UNC5C: variants seen among roughly 807,000 people sequenced by gnomAD.
UNC5C encodes unc-5 netrin receptor C, also known as netrin receptor UNC5C.
UNC5C carries 47 observed loss-of-function variants against 99.8 expected under a neutral mutation model. That is an observed-to-expected ratio of 0.47 (90% CI 0.37 to 0.60). The LOEUF (loss-of-function observed/expected upper bound fraction) is 0.60, where lower values mean the gene tolerates loss of function less well. Among genes scored for constraint, UNC5C ranks in the 20% least tolerant of loss-of-function variants. The pLI is 0.00. For missense variants in UNC5C, 1,062 were observed against 1,165.9 expected (o/e 0.91, Z 1.30); for synonymous variants, 487 against 452.2 (o/e 1.08, Z -0.98).
intron 1 of UNC5C, among the ~76,000 whole-genome samples, chr4:95,521,815 T>A (rs1311476871): frequency 6.6e-6 from 1 of 152,180 alleles, no homozygotes; most frequent in Non-Finnish European, 1.5e-5. Flanking sequence ...TTTTTATATA[T>A]CACAGAATGC....
At chr4:95,355,702 C>T (rs1235485502) in intron 1 of UNC5C, among the ~76,000 whole-genome samples, 7 of 152,066 alleles carry the variant, frequency 4.6e-5, no homozygotes, top group African/African-American at 1.7e-4. Flanking sequence ...GAAGTACAGA[C>T]TCCTAGAGTG....
intron 2 of UNC5C, among the ~76,000 whole-genome samples, chr4:95,308,700 C>A (rs937410717): frequency 8.8e-6 from 1 of 113,152 alleles, no homozygotes; most frequent in South Asian, 3.1e-4. Flanking sequence ...TTCAGTGATT[C>A]GAGATTGTGC....
At chr4:95,439,666 A>G (rs959537005) in intron 1 of UNC5C, among the ~76,000 whole-genome samples, 6 of 152,156 alleles carry the variant, frequency 3.9e-5, no homozygotes, top group Non-Finnish European at 8.8e-5. Flanking sequence ...TAGAAGCAGG[A>G]TGTTAATGGT....
intron 14 of UNC5C, among the ~76,000 whole-genome samples, chr4:95,176,689 C>T (rs1373288289): frequency 7.9e-5 from 12 of 152,220 alleles, no homozygotes; most frequent in African/African-American, 2.9e-4. Flanking sequence ...TTACTGCTGT[C>T]TTTTTGTTTG....
intron 1 of UNC5C, among the ~76,000 whole-genome samples, chr4:95,460,450 G>A (rs1747567065): frequency 6.6e-6 from 1 of 152,110 alleles, no homozygotes; most frequent in African/African-American, 2.4e-5. Context: ...CATGCTGTGG[G>A]ATGGACCTGC....
At chr4:95,492,038 C>T (rs988176265) in intron 1 of UNC5C, among the ~76,000 whole-genome samples, 4 of 151,052 alleles carry the variant, frequency 2.6e-5, no homozygotes, top group South Asian at 4.2e-4. Context: ...TACAAGAAAG[C>T]TTGCTTTGTC....
chr4:95,461,153 T>G (rs1403861528), intron 1 of UNC5C, among the ~76,000 whole-genome samples: 1 of 152,218 alleles, frequency 6.6e-6, no homozygotes, highest in Admixed American at 6.5e-5. Context: ...GATCATTTAC[T>G]TTTTCAGAAA....
chr4:95,389,007 G>T (rs1745284230), intron 1 of UNC5C, among the ~76,000 whole-genome samples: 2 of 151,992 alleles, frequency 1.3e-5, no homozygotes, highest in South Asian at 2.1e-4. Context: ...AAAATTCTTT[G>T]CCAGGTACAG....
chr4:95,527,314 A>G (rs1722524478), intron 1 of UNC5C, among the ~76,000 whole-genome samples: 1 of 152,126 alleles, frequency 6.6e-6, no homozygotes, highest in African/African-American at 2.4e-5. Flanking sequence ...ACATTGTTTT[A>G]TACTTCATGC....
chr4:95,464,539 T>G (rs2149472220), intron 1 of UNC5C, among the ~76,000 whole-genome samples: 1 of 152,266 alleles, frequency 6.6e-6, no homozygotes, highest in South Asian at 2.1e-4. Flanking sequence ...ATTCCTTAAC[T>G]TAAGAACATA....
At chr4:95,468,570 G>A (rs1360737631) in intron 1 of UNC5C, among the ~76,000 whole-genome samples, 1 of 152,172 alleles carries the variant, frequency 6.6e-6, no homozygotes, top group African/African-American at 2.4e-5. Context: ...GGAATTTACT[G>A]TTTGAGGCTT....
intron 2 of UNC5C, among the ~76,000 whole-genome samples, chr4:95,315,003 C>T (rs1318832114): frequency 6.6e-6 from 1 of 151,938 alleles, no homozygotes; most frequent in Non-Finnish European, 1.5e-5. Context: ...TTTGAAAACC[C>T]TCAGAATTAA....
chr4:95,225,988 A>G (rs1211042726), intron 7 of UNC5C, among the ~76,000 whole-genome samples: 1 of 152,198 alleles, frequency 6.6e-6, no homozygotes, highest in Non-Finnish European at 1.5e-5. Flanking sequence ...GTTTGTTTTT[A>G]TGCTTCTCCA....
chr4:95,299,054 C>T (rs1741774724), intron 3 of UNC5C, among the ~76,000 whole-genome samples: 1 of 152,120 alleles, frequency 6.6e-6, no homozygotes, highest in African/African-American at 2.4e-5. Flanking sequence ...AACTACATCC[C>T]ATTCCCCCAA....
chr4:95,508,061 T>A (rs1288539960), intron 1 of UNC5C, among the ~76,000 whole-genome samples: 2 of 151,982 alleles, frequency 1.3e-5, no homozygotes, highest in Non-Finnish European at 2.9e-5. Context: ...ACCAACCAAT[T>A]TTTCTTCCAG....
At chr4:95,188,166 A>G (rs1013024562) in intron 12 of UNC5C, among the ~76,000 whole-genome samples, 1 of 152,122 alleles carries the variant, frequency 6.6e-6, no homozygotes, top group Non-Finnish European at 1.5e-5. Flanking sequence ...TGTAAACTCC[A>G]TATTGGAGAC....
rs954743307 is a variant in UNC5C, at chr4:95,478,818, G to T, written c.124+69916C>A. ...TGTTGGAGGTGGGCCCTAGTGGCGG[G>T]TATATGGGTCATGGGAGTGGATCTC... On this transcript the variant is annotated intron_variant, in intron 1 of 15. Transcript: ENST00000453304. Among the ~76,000 whole-genome samples, 14 of 152,032 alleles carry T rather than the reference G, an allele frequency of 9.2e-5. No homozygotes were observed. The East Asian group carries it at 2.1e-3, about 23-fold the overall frequency.
intron 1 of UNC5C, among the ~76,000 whole-genome samples, chr4:95,453,462 AAAG>A (rs1747331252): frequency 6.6e-6 from 1 of 152,214 alleles, no homozygotes; most frequent in Admixed American, 6.6e-5. Context: ...ATCGGGAGGA[AAAG>A]AAGAAGAAAA....
intron 12 of UNC5C, among the ~76,000 whole-genome samples, chr4:95,191,380 T>C (rs1482736670): frequency 6.6e-6 from 1 of 152,030 alleles, no homozygotes; most frequent in Non-Finnish European, 1.5e-5. Context: ...TCTATTAGAG[T>C]ATGACAAGTC....
Sources: allele counts gnomAD v4.1 joint callset (sites outside exome capture counted in the v4.1 genomes callset), GRCh38; gene constraint gnomAD v4.1.1; transcripts MANE v1.5; gene names NCBI Gene and HGNC (gene_info 2026-07-23, HGNC 2026-07-21).